RAB15: variants seen among roughly 807,000 people sequenced by gnomAD.
The protein encoded by RAB15 is ras-related protein Rab-15.
Under a neutral mutation model 31.8 loss-of-function variants are expected in RAB15, and 13 were observed. The observed-to-expected ratio is 0.41, with a 90% confidence interval of 0.27 to 0.65. RAB15 has a LOEUF of 0.65. Among genes scored for constraint, RAB15 ranks in the 30% least tolerant of loss-of-function variants. The probability of loss-of-function intolerance (pLI) is 0.32; values close to 1 mark genes in which losing one functional copy is unlikely to be tolerated. For synonymous variants in RAB15, 100 were observed against 105.6 expected (o/e 0.95, Z 0.33); for missense variants, 220 against 277.3 (o/e 0.79, Z 1.47).
chr14:64,950,693 C>T lies in RAB15; in HGVS notation c.325-279G>A. On this transcript the variant is annotated intron_variant, in intron 4 of 6. Transcript: ENST00000533601. The surrounding 1 kb of genome is among the most constrained non-coding windows in gnomAD (Gnocchi z 5.6). ...GAAAGGACATTGGATGTAAGTCCAG[C>T]CCTCATTCTACAGGAACTGGGGACC... 1.7e-6 allele frequency: 1 copy of T among 596,306 alleles called. No homozygotes were observed. Among genetic ancestry groups the T allele is most frequent in the Non-Finnish European group, 3.0e-6 (1 of 335,428 alleles). 36.9% of individuals were successfully genotyped at this position (596,306 alleles called of 1,614,324 possible). A position where few individuals can be genotyped will look rare whatever the true frequency, so the allele number is the denominator to read the frequency against.
In RAB15 at chr14:64,971,855, C is replaced by A. The variant is rs560229956; in HGVS notation, c.124+98G>T. ...GGCCTCCGGCGCCACCGCCTCCAGC[C>A]GGAGGGGCTGGCAATTCCTCCCCAG... On this transcript the variant is annotated intron_variant, in intron 1 of 6. Transcript: ENST00000533601. The surrounding 1 kb of genome is among the most constrained non-coding windows in gnomAD (Gnocchi z 4.1). The A allele has an allele frequency of 4.6e-4, 558 of 1,224,726 alleles. 2 individuals are homozygous for A. In the African/African-American group the frequency reaches 7.4e-3, roughly 16 times the overall value. 75.9% of individuals were successfully genotyped at this position (1,224,726 alleles called of 1,614,324 possible). A position where few individuals can be genotyped will look rare whatever the true frequency, so the allele number is the denominator to read the frequency against.
At chr14:64,966,185 C>T (rs1313607286) in intron 1 of RAB15, among the ~76,000 whole-genome samples, 1 of 152,150 alleles carries the variant, frequency 6.6e-6, no homozygotes, top group African/African-American at 2.4e-5. Flanking sequence ...TAAGCCAGCT[C>T]CTTGGTTTCT....
intron 5 of RAB15, among the ~76,000 whole-genome samples, chr14:64,949,328 ACAAT>A (rs1886101924): frequency 6.6e-6 from 1 of 152,220 alleles, no homozygotes; most frequent in African/African-American, 2.4e-5. Flanking sequence ...TTTATACCAA[ACAAT>A]CAATTTCATT....
At chr14:64,956,531 A>T in intron 1 of RAB15, among the ~76,000 whole-genome samples, 1 of 152,202 alleles carries the variant, frequency 6.6e-6, no homozygotes, top group East Asian at 1.9e-4. Context: ...AATCAGTTTC[A>T]ATAAGCTCTC....
chr14:64,961,637 G>T (rs1886864161), intron 1 of RAB15, among the ~76,000 whole-genome samples: 1 of 152,168 alleles, frequency 6.6e-6, no homozygotes, highest in Non-Finnish European at 1.5e-5. Context: ...CCCAGGCATG[G>T]TGGCTCACAC....
rs996570790 is a variant in RAB15, at chr14:64,946,682, T to C, written c.*1672A>G. ...GAGGAGTAAGGAAGTGAGGTTCTTA[T>C]CCTTCACATATGAGTGCCCTGGATT... is the stretch of plus-strand genomic sequence containing the variant. On this transcript the variant is annotated 3_prime_UTR_variant, in exon 7 of 7. Coordinates refer to ENST00000533601, the MANE Select transcript of RAB15 (RefSeq NM_001308154.2). 6.6e-6 allele frequency: 1 copy of C among 152,218 alleles called. No homozygotes were observed. Among genetic ancestry groups the C allele is most frequent in the South Asian group, 2.1e-4 (1 of 4,824 alleles). 9.4% of individuals were successfully genotyped at this position (152,218 alleles called of 1,614,324 possible).
chr14:64,967,045 C>A (rs1887176788), intron 1 of RAB15, among the ~76,000 whole-genome samples: 1 of 151,774 alleles, frequency 6.6e-6, no homozygotes, highest in Non-Finnish European at 1.5e-5. Context: ...CCATCTCCCA[C>A]CTCCTCAGTC....
chr14:64,958,492 T>C lies in RAB15; in HGVS notation c.125-5921A>G, dbSNP rs1886694781. Among the ~76,000 whole-genome samples the C allele has an allele frequency of 6.6e-6, 1 of 152,164 alleles. No individual in the cohort carries two copies. Among genetic ancestry groups the C allele is most frequent in the Non-Finnish European group, 1.5e-5 (1 of 68,026 alleles). ...TCCCAGCCTCCCAAACTCTGAGCAA[T>C]ACATTTCTCTTGCTTTAAATTACTC... is the stretch of plus-strand genomic sequence containing the variant. On this transcript the variant is annotated intron_variant, in intron 1 of 6. Coordinates refer to ENST00000533601, the MANE Select transcript of RAB15 (RefSeq NM_001308154.2). This position sits in a 1 kb window ranked among gnomAD's most constrained non-coding sequence, Gnocchi z 4.4.
chr14:64,961,247 G>A (rs1023777537), intron 1 of RAB15, among the ~76,000 whole-genome samples: 2 of 152,216 alleles, frequency 1.3e-5, no homozygotes, highest in Non-Finnish European at 2.9e-5. Context: ...ACCAGCATGT[G>A]TGGGCCATGT....
rs1886419905 is a variant in RAB15, at chr14:64,954,248, G to T, written c.125-1677C>A. ...GCAGAGAAAGAGTGAAGAGAAGGAG[G>T]GAGGAAGGGAGGAAGGAGAGAAGCA... On this transcript the variant is annotated intron_variant, in intron 1 of 6. Coordinates refer to ENST00000533601, the MANE Select transcript of RAB15 (RefSeq NM_001308154.2). This position sits in a 1 kb window ranked among gnomAD's most constrained non-coding sequence, Gnocchi z 4.3. 4 of 985,094 alleles carry T rather than the reference G, an allele frequency of 4.1e-6. No homozygotes were observed. In the South Asian group the frequency reaches 1.9e-4, roughly 46 times the overall value. The allele number at this position is 985,094 out of a possible 1,614,324, so 61.0% of individuals were successfully genotyped here.
chr14:64,948,277 C>A lies in RAB15; in HGVS notation c.*77G>T. The A allele has an allele frequency of 7.1e-7, 1 of 1,405,850 alleles. No homozygotes were observed. The highest frequency in any genetic ancestry group is 9.3e-7 in the Non-Finnish European group (1 of 1,071,826). 87.1% of individuals were successfully genotyped at this position (1,405,850 alleles called of 1,614,324 possible). Reference sequence around the variant, plus strand: ...ATCACACGAGAGGACAGCAGCAGGGCAAAGCCCCGGCTCCCCTGTCTGCCC... The same window carrying A: ...ATCACACGAGAGGACAGCAGCAGGGAAAAGCCCCGGCTCCCCTGTCTGCCC... On this transcript the variant is annotated 3_prime_UTR_variant, in exon 7 of 7. Transcript: ENST00000533601. The surrounding 1 kb of genome is among the most constrained non-coding windows in gnomAD (Gnocchi z 7.0).
intron 1 of RAB15, among the ~76,000 whole-genome samples, chr14:64,957,174 C>T (rs1006981799): frequency 2.0e-5 from 3 of 151,834 alleles, no homozygotes; most frequent in East Asian, 1.9e-4. Flanking sequence ...TGGGCTCCAG[C>T]GATCCTCCCG....
chr14:64,951,174 G>C lies in RAB15; in HGVS notation c.247-23C>G. The C allele has an allele frequency of 2.0e-4, 297 of 1,506,396 alleles. No homozygotes were observed. Among genetic ancestry groups the C allele is most frequent in the Non-Finnish European group, 2.5e-4 (274 of 1,085,614 alleles). 93.3% of individuals were successfully genotyped at this position (1,506,396 alleles called of 1,614,324 possible). ...CCCCTGAGAGAGAGAGAAATAGAGA[G>C]ATGTGATATGCACAGAGAGAGTGCA... On this transcript the variant is annotated intron_variant, in intron 3 of 6. Coordinates refer to ENST00000533601, the MANE Select transcript of RAB15 (RefSeq NM_001308154.2). This position sits in a 1 kb window ranked among gnomAD's most constrained non-coding sequence, Gnocchi z 7.2.
Position 64,955,201 on chromosome 14 carries a change from G to GT in RAB15, c.125-2631dup, listed in dbSNP as rs1464978660. Among the ~76,000 whole-genome samples the GT allele has an allele frequency of 3.9e-5, 6 of 152,140 alleles. No individual in the cohort carries two copies. The highest frequency in any genetic ancestry group is 6.5e-5 in the Admixed American group (1 of 15,278). ...ATTCACATATGATGGAAGAAACAGA[G>GT]TAAGTCTATGTCTTCTGAAGGATTT... On this transcript the variant is annotated intron_variant, in intron 1 of 6. Coordinates refer to ENST00000533601, the MANE Select transcript of RAB15 (RefSeq NM_001308154.2). The surrounding 1 kb of genome is among the most constrained non-coding windows in gnomAD (Gnocchi z 4.4).
In RAB15 at chr14:64,955,346, G is replaced by C. The variant is rs1035110853; in HGVS notation, c.125-2775C>G. On this transcript the variant is annotated intron_variant, in intron 1 of 6. Coordinates refer to ENST00000533601, the MANE Select transcript of RAB15 (RefSeq NM_001308154.2). The surrounding 1 kb of genome is among the most constrained non-coding windows in gnomAD (Gnocchi z 4.4). ...TGTTCCCACACAACCTGGGCCTTCA[G>C]CTGTGTCCACCTACCAGTCAAGCCC... is the stretch of plus-strand genomic sequence containing the variant. Among the ~76,000 whole-genome samples the C allele has an allele frequency of 1.3e-5, 2 of 152,154 alleles. No homozygotes were observed. Among genetic ancestry groups the C allele is most frequent in the Non-Finnish European group, 2.9e-5 (2 of 68,032 alleles).
chr14:64,946,494 T>C lies in RAB15; in HGVS notation c.*1860A>G, dbSNP rs1885928906. ...CAGCTTCATCCTAGAGTTAGCTGTC[T>C]CCTTTTCTCATTAGCCAGTGATTTA... On this transcript the variant is annotated 3_prime_UTR_variant, in exon 7 of 7. Transcript: ENST00000533601. 1 of 152,290 alleles carries C rather than the reference T, an allele frequency of 6.6e-6. No individual in the cohort carries two copies. Among genetic ancestry groups the C allele is most frequent in the Admixed American group, 6.5e-5 (1 of 15,286 alleles). The allele number at this position is 152,290 out of a possible 1,614,324, so 9.4% of individuals were successfully genotyped here.
intron 1 of RAB15, among the ~76,000 whole-genome samples, chr14:64,957,685 TCTCATGTTCCCACTGA>T (rs903177979): frequency 6.6e-6 from 1 of 152,102 alleles, no homozygotes; most frequent in South Asian, 2.1e-4. Context: ...GGAAGCCAAT[TCTCATGTTCCCACTGA>T]CTCATGTTCC....
intron 1 of RAB15, among the ~76,000 whole-genome samples, chr14:64,957,513 G>C (rs1287006645): frequency 6.6e-6 from 1 of 152,146 alleles, no homozygotes; most frequent in East Asian, 1.9e-4. Flanking sequence ...CACATTCTCA[G>C]GACTCGCCCA....
rs934010965 is a variant in RAB15, at chr14:64,952,489, C to T, written c.185+22G>A. 2.5e-6 allele frequency: 4 copies of T among 1,575,974 alleles called. No homozygotes were observed. In the African/African-American group the frequency reaches 5.4e-5, roughly 21 times the overall value. The stretch of plus-strand genomic sequence containing the variant: ...AGAAGTCCTCTTCTCCTACATCTGC[C>T]TCCTCCTCCTCCCCAGCTCACCAGA... On this transcript the variant is annotated intron_variant, in intron 2 of 6. Coordinates refer to ENST00000533601, the MANE Select transcript of RAB15 (RefSeq NM_001308154.2). This position sits in a 1 kb window ranked among gnomAD's most constrained non-coding sequence, Gnocchi z 4.2.
Sources: gnomAD v4.1 joint callset for allele counts (sites outside exome capture counted in the v4.1 genomes callset) on GRCh38, gnomAD v4.1.1 for gene constraint, Gnocchi (gnomAD v3.1) non-coding constraint, MANE v1.5 for transcripts, NCBI Gene and HGNC (gene_info 2026-07-23, HGNC 2026-07-21) for gene names.